Variants in GSG1L observed in about 807,000 individuals in gnomAD.
The protein encoded by GSG1L is germ cell-specific gene 1-like protein.
Under a neutral mutation model 42.1 loss-of-function variants are expected in GSG1L, and 24 were observed. The observed-to-expected ratio is 0.57, with a 90% CI of 0.41 to 0.80. The LOEUF (loss-of-function observed/expected upper bound fraction) is 0.80. Among genes scored for constraint, GSG1L ranks in the 30% least tolerant of loss-of-function variants. The probability of loss-of-function intolerance (pLI) is 0.00; values close to 1 mark genes in which losing one functional copy is unlikely to be tolerated. For synonymous variants in GSG1L, 215 were observed against 203.5 expected (o/e 1.06, Z -0.48); for missense variants, 445 against 472.2 (o/e 0.94, Z 0.53).
At position 28,009,127 on chromosome 16, in the gene GSG1L, C is replaced by A. The variant is rs1466247318; in HGVS notation, c.350-45924G>T. Among the ~76,000 whole-genome samples the A allele has an allele frequency of 4.6e-5, 7 of 152,154 alleles. No homozygotes were observed. The East Asian group carries it at 5.8e-4, about 13-fold the overall frequency. ...CTTGGCCACATCAGTACTGTTTTAA[C>A]TGCCCAGTTCTGAGCGCAGGTGCCC... On this transcript the variant is annotated intron_variant, in intron 1 of 6. Coordinates refer to ENST00000447459, the MANE Select transcript of GSG1L (RefSeq NM_001109763.2).
At chr16:27,850,708 G>C in intron 3 of GSG1L, 1 of 393,198 alleles carries the variant, frequency 2.5e-6, no homozygotes, top group South Asian at 1.9e-5. Flanking sequence ...GGGAAAATGG[G>C]GGTGATAGCT....
At chr16:27,927,020 C>G (rs1010724934) in intron 2 of GSG1L, among the ~76,000 whole-genome samples, 2 of 152,178 alleles carry the variant, frequency 1.3e-5, no homozygotes, top group South Asian at 2.1e-4. Flanking sequence ...TGGCCTCCCT[C>G]GACAACCCTC....
intron 5 of GSG1L, among the ~76,000 whole-genome samples, chr16:27,826,719 A>G (rs2083213472): frequency 6.6e-6 from 1 of 152,186 alleles, no homozygotes; most frequent in South Asian, 2.1e-4. Flanking sequence ...AACACCCACC[A>G]ACTCCTGACA....
chr16:27,816,761 C>T (rs553295944), intron 5 of GSG1L, among the ~76,000 whole-genome samples: 1 of 152,130 alleles, frequency 6.6e-6, no homozygotes, highest in African/African-American at 2.4e-5. Context: ...TGGCTTGTGG[C>T]AGGGCTGGGA....
At chr16:28,000,692 A>T (rs959841502) in intron 1 of GSG1L, among the ~76,000 whole-genome samples, 3 of 151,648 alleles carry the variant, frequency 2.0e-5, no homozygotes, top group Admixed American at 2.0e-4. Flanking sequence ...TCCCACAGAC[A>T]CTCTCAGAGT....
chr16:27,932,835 G>A (rs7194058), intron 2 of GSG1L, among the ~76,000 whole-genome samples: 98,779 of 151,788 alleles, frequency 0.65, 32,880 homozygotes, highest in South Asian at 0.75. Flanking sequence ...CATTTCCACC[G>A]CTGCCATAAG....
At chr16:27,854,432 G>C (rs1365580340) in intron 3 of GSG1L, among the ~76,000 whole-genome samples, 2 of 152,094 alleles carry the variant, frequency 1.3e-5, no homozygotes, top group African/African-American at 4.8e-5. Context: ...ATATGAGCAG[G>C]GCTTCCCTAA....
chr16:27,792,342 G>T (rs991089228), intron 6 of GSG1L, among the ~76,000 whole-genome samples: 4 of 152,102 alleles, frequency 2.6e-5, no homozygotes, highest in Non-Finnish European at 5.9e-5. Flanking sequence ...CCGAGGCAGG[G>T]GGCACCTGCC....
chr16:27,971,135 C>G (rs2085188711), intron 1 of GSG1L, among the ~76,000 whole-genome samples: 1 of 152,132 alleles, frequency 6.6e-6, no homozygotes, highest in Non-Finnish European at 1.5e-5. Flanking sequence ...GGGTCTCTTG[C>G]ATTTTCATAT....
chr16:27,903,283 T>C (rs2084283466), intron 2 of GSG1L, among the ~76,000 whole-genome samples: 1 of 151,668 alleles, frequency 6.6e-6, no homozygotes, highest in Non-Finnish European at 1.5e-5. Flanking sequence ...AGCAACGTGG[T>C]CGGACCTGGG....
At chr16:27,860,405 C>G (rs2083633258) in intron 3 of GSG1L, among the ~76,000 whole-genome samples, 2 of 152,226 alleles carry the variant, frequency 1.3e-5, no homozygotes, top group African/African-American at 4.8e-5. Context: ...GTCCGGAAGC[C>G]CCCAGCCTTT....
intron 6 of GSG1L, among the ~76,000 whole-genome samples, chr16:27,797,649 C>A (rs991006055): frequency 1.3e-5 from 2 of 151,462 alleles, no homozygotes; most frequent in Non-Finnish European, 1.5e-5. Context: ...GCTGAAACCC[C>A]ATCTCTCCTA....
At chr16:28,045,020 A>G (rs1051155582) in intron 1 of GSG1L, among the ~76,000 whole-genome samples, 31 of 152,202 alleles carry the variant, frequency 2.0e-4, no homozygotes, top group African/African-American at 7.5e-4. Flanking sequence ...GCAAAACCAT[A>G]GAGACAGTAA....
intron 3 of GSG1L, among the ~76,000 whole-genome samples, chr16:27,871,560 C>T (rs995788632): frequency 6.6e-6 from 1 of 152,080 alleles, no homozygotes; most frequent in Non-Finnish European, 1.5e-5. Flanking sequence ...ATCACCTGAG[C>T]TCAGGGGGGC....
At chr16:27,887,495 C>T (rs2084044411) in intron 2 of GSG1L, among the ~76,000 whole-genome samples, 1 of 152,206 alleles carries the variant, frequency 6.6e-6, no homozygotes, top group Non-Finnish European at 1.5e-5. Flanking sequence ...TTGTCTTTGC[C>T]CATGCCAGTT....
chr16:27,853,845 G>T (rs1472938033), intron 3 of GSG1L, among the ~76,000 whole-genome samples: 1 of 152,136 alleles, frequency 6.6e-6, no homozygotes, highest in Non-Finnish European at 1.5e-5. Context: ...GGCCATGGCC[G>T]CAGGACCTAG....
At chr16:28,055,951 C>A (rs1236938922) in intron 1 of GSG1L, among the ~76,000 whole-genome samples, 1 of 152,006 alleles carries the variant, frequency 6.6e-6, no homozygotes, top group Non-Finnish European at 1.5e-5. Context: ...CCCACAGGAT[C>A]CCACTAAACA....
chr16:27,958,768 C>T (rs957724751), intron 2 of GSG1L, among the ~76,000 whole-genome samples: 12 of 152,036 alleles, frequency 7.9e-5, no homozygotes, highest in East Asian at 2.0e-4. Flanking sequence ...CTCCACCTCC[C>T]GGTTCAAGCC....
intron 3 of GSG1L, among the ~76,000 whole-genome samples, chr16:27,858,741 G>T (rs376813990): frequency 2.0e-5 from 3 of 152,286 alleles, no homozygotes; most frequent in East Asian, 1.9e-4. Context: ...ATTGCTTAAG[G>T]CCAGGAATTC....
Sources: allele counts gnomAD v4.1 joint callset (sites outside exome capture counted in the v4.1 genomes callset), GRCh38; gene constraint gnomAD v4.1.1; transcripts MANE v1.5; gene names NCBI Gene and HGNC (gene_info 2026-07-23, HGNC 2026-07-21).